The following PIK3C2G variants were observed in gnomAD, a reference collection of about 807,000 sequenced individuals.
PIK3C2G encodes phosphatidylinositol 3-kinase C2 domain-containing subunit gamma.
PIK3C2G carries 168 observed loss-of-function variants against 181.1 expected under a neutral mutation model. The ratio of observed to expected loss-of-function variants is 0.93; its 90% confidence interval spans 0.82 to 1.05. The LOEUF is 1.05. Ranked by LOEUF, PIK3C2G falls within the 50% of genes least tolerant of loss-of-function variation. The pLI is 0.00. For synonymous variants in PIK3C2G, 573 were observed against 592.2 expected (o/e 0.97, Z 0.47); for missense variants, 1,869 against 1,732.8 (o/e 1.08, Z -1.40).
At chr12:18,599,199 G>A (rs1947556715) in intron 30 of PIK3C2G, among the ~76,000 whole-genome samples, 1 of 152,128 alleles carries the variant, frequency 6.6e-6, no homozygotes. Flanking sequence ...ACATGCACAC[G>A]TATGCTTATT....
intron 8 of PIK3C2G, among the ~76,000 whole-genome samples, chr12:18,334,194 A>G (rs922497847): frequency 2.6e-5 from 4 of 152,160 alleles, no homozygotes; most frequent in African/African-American, 9.7e-5. Flanking sequence ...CAATGCAAAA[A>G]TCTTCTCTAA....
At chr12:18,536,089 C>G (rs894604475) in intron 24 of PIK3C2G, among the ~76,000 whole-genome samples, 3 of 151,928 alleles carry the variant, frequency 2.0e-5, no homozygotes, top group African/African-American at 7.3e-5. Context: ...TGCACATGTA[C>G]CCTAAAACTT....
chr12:18,539,752 T>C (rs1022736827), intron 25 of PIK3C2G, among the ~76,000 whole-genome samples: 7 of 151,900 alleles, frequency 4.6e-5, no homozygotes, highest in Admixed American at 1.3e-4. Flanking sequence ...ACCTTACTTC[T>C]CTCCACTTTG....
intron 5 of PIK3C2G, among the ~76,000 whole-genome samples, chr12:18,307,850 G>T (rs548667613): frequency 2.0e-5 from 3 of 151,282 alleles, no homozygotes; most frequent in African/African-American, 7.3e-5. Flanking sequence ...TTTTCTACTA[G>T]CCACACTAAG....
In PIK3C2G at chr12:18,526,376, G is replaced by A. The variant is rs530407929; in HGVS notation, c.3324-11780G>A. ...CTCACAGCAGGCCTTTGTATCATCT[G>A]AGTTTTCTAGAAAGGAAACATACTT... is the stretch of plus-strand genomic sequence containing the variant. On this transcript the variant is annotated intron_variant, in intron 24 of 32. Coordinates refer to ENST00000538779, the MANE Select transcript of PIK3C2G (RefSeq NM_001288772.2). Among the ~76,000 whole-genome samples, 3 of 152,276 alleles carry A rather than the reference G, an allele frequency of 2.0e-5. No individual in the cohort carries two copies. In the South Asian group the frequency reaches 6.2e-4, roughly 32 times the overall value.
At chr12:18,483,582 AC>A (rs941985568) in intron 18 of PIK3C2G, among the ~76,000 whole-genome samples, 31 of 152,128 alleles carry the variant, frequency 2.0e-4, no homozygotes, top group African/African-American at 7.0e-4. Flanking sequence ...GAAATATTAT[AC>A]TCAAATTGAC....
intron 29 of PIK3C2G, among the ~76,000 whole-genome samples, chr12:18,575,269 A>G (rs375780886): frequency 2.6e-5 from 4 of 152,196 alleles, no homozygotes; most frequent in African/African-American, 7.2e-5. Context: ...TGAAACTGAT[A>G]TAAGAATGTT....
chr12:18,536,939 A>G (rs1274950802), intron 24 of PIK3C2G, among the ~76,000 whole-genome samples: 1 of 152,102 alleles, frequency 6.6e-6, no homozygotes, highest in Non-Finnish European at 1.5e-5. Flanking sequence ...AGGTACTGGT[A>G]TTCCAGCCTT....
At chr12:18,283,764 G>T (rs1949322532) in intron 2 of PIK3C2G, among the ~76,000 whole-genome samples, 1 of 152,022 alleles carries the variant, frequency 6.6e-6, no homozygotes, top group African/African-American at 2.4e-5. Context: ...GTCTAGTTCT[G>T]ATCACAATAG....
chr12:18,598,094 A>G (rs1157885618), intron 30 of PIK3C2G, among the ~76,000 whole-genome samples: 2 of 152,232 alleles, frequency 1.3e-5, no homozygotes, highest in African/African-American at 2.4e-5. Flanking sequence ...TAGAGATTCA[A>G]TGCCATCCCC....
intron 2 of PIK3C2G, among the ~76,000 whole-genome samples, chr12:18,283,989 C>CGAAGACA (rs920594682): frequency 1.3e-5 from 2 of 151,990 alleles, no homozygotes; most frequent in African/African-American, 4.8e-5. Flanking sequence ...TCACTGACTG[C>CGAAGACA]GAAGACAGTG....
intron 14 of PIK3C2G, among the ~76,000 whole-genome samples, chr12:18,387,442 AATGCTGTCGTTTCTGAC>A (rs1444364318): frequency 1.1e-4 from 17 of 152,236 alleles, no homozygotes; most frequent in Non-Finnish European, 5.9e-5. Context: ...TAACTTTGAA[AATGCTGTCGTTTCTGAC>A]ATGCACTGTC....
chr12:18,650,733 T>G (rs1950467951), downstream of PIK3C2G, among the ~76,000 whole-genome samples: 1 of 29,712 alleles, frequency 3.4e-5, no homozygotes, highest in Non-Finnish European at 5.5e-5. Context: ...TATATATATA[T>G]ATATATATAT....
At position 18,562,886 on chromosome 12, in the gene PIK3C2G, C is replaced by T. The variant is rs750923657; in HGVS notation, c.3774C>T (p.Ser1258=). The change falls in exon 27 of 33, where the codon TCC becomes TCT. Residue 1258 remains serine, a synonymous_variant. Coordinates refer to ENST00000538779, the MANE Select transcript of PIK3C2G (RefSeq NM_001288772.2). ...RATILGFSKK[S]SNLYLIQVTH... The stretch of plus-strand genomic sequence containing the variant: ...CAATTTTAGGGTTCAGCAAGAAATC[C>T]AGTAATGTAAGTTTAAAGTCCGTCA... 2 of 1,590,832 alleles carry T rather than the reference C, an allele frequency of 1.3e-6. No individual in the cohort carries two copies. Among genetic ancestry groups the T allele is most frequent in the East Asian group, 4.5e-5 (2 of 44,390 alleles).
chr12:18,267,258 G>A (rs946233986), intron 1 of PIK3C2G, among the ~76,000 whole-genome samples: 6 of 151,744 alleles, frequency 4.0e-5, no homozygotes, highest in African/African-American at 1.5e-4. Context: ...ATCTCATTAA[G>A]CTCCATTTTA....
At chr12:18,480,896 C>T (rs1939492508) in intron 18 of PIK3C2G, among the ~76,000 whole-genome samples, 1 of 151,990 alleles carries the variant, frequency 6.6e-6, no homozygotes, top group Admixed American at 6.6e-5. Flanking sequence ...GTTGCTAACA[C>T]CTCTGGTTCA....
chr12:18,685,525 A>G, the PIK3C2G span: 17 of 326,056 alleles, frequency 5.2e-5, no homozygotes, highest in African/African-American at 2.1e-4. Flanking sequence ...TAATTATACT[A>G]TATCTATGTT....
At chr12:18,580,615 AT>A in intron 29 of PIK3C2G, among the ~76,000 whole-genome samples, 1 of 152,194 alleles carries the variant, frequency 6.6e-6, no homozygotes, top group Non-Finnish European at 1.5e-5. Context: ...TAAAATGTTG[AT>A]GACATTTTAA....
intron 24 of PIK3C2G, among the ~76,000 whole-genome samples, chr12:18,536,714 A>C (rs1459953624): frequency 6.6e-6 from 1 of 152,122 alleles, no homozygotes; most frequent in Admixed American, 6.6e-5. Flanking sequence ...GCTATATCTC[A>C]TGTTTTCAAC....
Sources: gnomAD v4.1 joint callset for allele counts (sites outside exome capture counted in the v4.1 genomes callset) on GRCh38, gnomAD v4.1.1 for gene constraint, MANE v1.5 for transcripts, NCBI Gene and HGNC (gene_info 2026-07-23, HGNC 2026-07-21) for gene names.